The following MTMR10 variants were observed in gnomAD, a reference collection of about 807,000 sequenced individuals.
MTMR10 encodes the protein myotubularin-related protein 10.
Under a neutral mutation model 88.1 loss-of-function variants are expected in MTMR10, and 56 were observed. The ratio of observed to expected loss-of-function variants is 0.64; its 90% CI spans 0.51 to 0.79. MTMR10 has a LOEUF of 0.79. Ranked by LOEUF, MTMR10 falls within the 30% of genes least tolerant of loss-of-function variation. The pLI is 0.00. For synonymous variants in MTMR10, 380 were observed against 340.9 expected, an observed-to-expected ratio of 1.11 and a Z score of -1.26; for missense variants, 883 against 924.7, an observed-to-expected ratio of 0.95 and a Z score of 0.58.
the MTMR10 span, chr15:30,925,086 G>GT: frequency 1.3e-6 from 2 of 1,563,134 alleles, no homozygotes; most frequent in Middle Eastern, 1.7e-4. Context: ...GCCGCCATGG[G>GT]TTTTTTTAGG....
chr15:30,966,417 C>T (rs989439419), intron 6 of MTMR10, among the ~76,000 whole-genome samples: 2 of 152,186 alleles, frequency 1.3e-5, no homozygotes, highest in African/African-American at 4.8e-5. Context: ...CAAGTCACTA[C>T]ATTACTGTAG....
In MTMR10 at chr15:30,941,005, T is replaced by C; in HGVS notation, c.*465A>G. The C allele has an allele frequency of 1.7e-6, 2 of 1,160,288 alleles. No individual in the cohort carries two copies. Among genetic ancestry groups the C allele is most frequent in the South Asian group, 3.5e-5 (2 of 57,218 alleles). The allele number at this position is 1,160,288 out of a possible 1,614,324, so 71.9% of individuals were successfully genotyped here. A position where few individuals can be genotyped will look rare whatever the true frequency, so the allele number is the denominator to read the frequency against. ...GAACACTGAACCTTCATCAGGTGAG[T>C]TCAATTAGAGACGACAGAAAGTAAC... On this transcript the variant is annotated 3_prime_UTR_variant, in exon 16 of 16. Transcript: ENST00000435680.
At chr15:30,943,693 A>ACTC (rs2063122010) in intron 14 of MTMR10, 1 of 985,198 alleles carries the variant, frequency 1.0e-6, no homozygotes, top group Non-Finnish European at 1.2e-6. Context: ...TCTAGCCCGG[A>ACTC]CTCTGGGCGG....
chr15:30,991,527 C>G lies in MTMR10; in HGVS notation c.-21G>C. The G allele has an allele frequency of 1.3e-6, 2 of 1,536,132 alleles. No individual in the cohort carries two copies. The highest frequency in any genetic ancestry group is 1.7e-6 in the Non-Finnish European group (2 of 1,148,750). On this transcript the variant is annotated 5_prime_UTR_variant, in exon 1 of 16. Transcript: ENST00000435680. ...AACATGGTGCCGCCGCCTTTTCGCC[C>G]CGTTCCCGTCGCGGGCCAGTGGCAG...
the MTMR10 span, among the ~76,000 whole-genome samples, chr15:30,919,804 G>A: frequency 6.6e-6 from 1 of 152,132 alleles, no homozygotes; most frequent in Non-Finnish European, 1.5e-5. Flanking sequence ...ACAGCAAATA[G>A]GCTGAGGACG....
At position 30,940,325 on chromosome 15, in the gene MTMR10, TCTC is replaced by T. The variant is rs2062998701; in HGVS notation, c.*1142_*1144del. ...CAAGCAAACAACTGTGTCTGCTCAT[TCTC>T]CTCAACTTTGCTGTCCAAAGTTGGG... On this transcript the variant is annotated 3_prime_UTR_variant, in exon 16 of 16. Coordinates refer to ENST00000435680, the MANE Select transcript of MTMR10 (RefSeq NM_017762.3). 6 of 985,408 alleles carry T rather than the reference TCTC, an allele frequency of 6.1e-6. No individual in the cohort carries two copies. The highest frequency in any genetic ancestry group is 5.2e-5 in the African/African-American group (3 of 57,350). 61.0% of individuals were successfully genotyped at this position (985,408 alleles called of 1,614,324 possible). A position where few individuals can be genotyped will look rare whatever the true frequency, so the allele number is the denominator to read the frequency against.
intron 9 of MTMR10, among the ~76,000 whole-genome samples, chr15:30,955,587 A>C (rs1287526460): frequency 1.3e-5 from 2 of 152,028 alleles, no homozygotes; most frequent in Admixed American, 6.6e-5. Context: ...CTTATTTCTG[A>C]TGGGAGAAAA....
chr15:30,943,445 A>G (rs916381077), intron 14 of MTMR10: 1 of 985,210 alleles, frequency 1.0e-6, no homozygotes, highest in Admixed American at 6.1e-5. Context: ...CGGTCAGTAC[A>G]TTTAAGTAGT....
At chr15:30,955,838 C>G (rs1053237162) in intron 9 of MTMR10, among the ~76,000 whole-genome samples, 1 of 152,124 alleles carries the variant, frequency 6.6e-6, no homozygotes, top group African/African-American at 2.4e-5. Flanking sequence ...ACCAAAATTC[C>G]TCCCACCCTT....
rs778647491 is a variant in MTMR10 at position 30,974,984 on chromosome 15, A to T, written c.278T>A (p.Leu93His). 1 of 1,572,770 alleles carries T rather than the reference A, an allele frequency of 6.4e-7. No homozygotes were observed. Among genetic ancestry groups the T allele is most frequent in the South Asian group, 1.2e-5 (1 of 85,424 alleles). The change falls in exon 4 of 16, where the codon CTT becomes CAT. Residue 93 changes from leucine to histidine, a missense_variant. Leu to His is a moderately conservative substitution (Grantham distance 99, BLOSUM62 -3). Coordinates refer to ENST00000435680, the MANE Select transcript of MTMR10 (RefSeq NM_017762.3). ...MPLQKFHYRN[L>H]LLGEHDVPLT... ...AGGGACATCGTGTTCACCAAGAAGA[A>T]GGTTTCTGTAATGGAATTTCTGGAA...
intron 12 of MTMR10, among the ~76,000 whole-genome samples, chr15:30,950,786 T>C (rs1345422936): frequency 6.6e-6 from 1 of 152,180 alleles, no homozygotes; most frequent in East Asian, 1.9e-4. Flanking sequence ...AGGGCCTCCT[T>C]TGGATACCAA....
intron 2 of MTMR10, among the ~76,000 whole-genome samples, chr15:30,978,838 TTA>T (rs2030349535): frequency 6.6e-6 from 1 of 152,086 alleles, no homozygotes; most frequent in Admixed American, 6.6e-5. Flanking sequence ...CCAAAACTTA[TTA>T]AAGTTCAAAT....
At position 30,940,619 on chromosome 15, in the gene MTMR10, T is replaced by G. The variant is rs2063013020; in HGVS notation, c.*851A>C. 3.1e-5 allele frequency: 31 copies of G among 985,468 alleles called. No homozygotes were observed. Among genetic ancestry groups the G allele is most frequent in the Non-Finnish European group, 3.6e-5 (30 of 830,092 alleles). 61.0% of individuals were successfully genotyped at this position (985,468 alleles called of 1,614,324 possible). ...AGTTTTGGCATAGATGGCACTCTCC[T>G]GTCTACAGCATACACCTCTGTGGAA... On this transcript the variant is annotated 3_prime_UTR_variant, in exon 16 of 16. Transcript: ENST00000435680.
the MTMR10 span, among the ~76,000 whole-genome samples, chr15:30,922,979 C>A: frequency 2.0e-4 from 31 of 152,342 alleles, no homozygotes; most frequent in East Asian, 6.0e-3. Context: ...GTGGGCTAGG[C>A]AGCAACAGTG....
the MTMR10 span, chr15:30,925,246 C>T: frequency 1.2e-6 from 2 of 1,614,148 alleles, no homozygotes; most frequent in East Asian, 2.2e-5. Flanking sequence ...AGTTCAAGCA[C>T]CTCTTCCAGC....
chr15:30,939,730 C>T lies in MTMR10; in HGVS notation c.*1740G>A, dbSNP rs2062975579. 1.0e-6 allele frequency: 1 copy of T among 981,220 alleles called. No individual in the cohort carries two copies. The highest frequency in any genetic ancestry group is 1.2e-6 in the Non-Finnish European group (1 of 826,284). The allele number at this position is 981,220 out of a possible 1,614,324, so 60.8% of individuals were successfully genotyped here. ...AAAACATTTAGTAATAATAAAAAAG[C>T]AGCTAAATGAAAAAGGGAGAATTGT... On this transcript the variant is annotated 3_prime_UTR_variant, in exon 16 of 16. Transcript: ENST00000435680.
intron 5 of MTMR10, among the ~76,000 whole-genome samples, chr15:30,970,631 A>G (rs2063526640): frequency 6.6e-6 from 1 of 152,204 alleles, no homozygotes; most frequent in Non-Finnish European, 1.5e-5. Context: ...AACAATTAGA[A>G]AGCAGTTACA....
At chr15:30,986,890 C>T (rs1366899916) in intron 2 of MTMR10, among the ~76,000 whole-genome samples, 1 of 152,208 alleles carries the variant, frequency 6.6e-6, no homozygotes, top group Non-Finnish European at 1.5e-5. Flanking sequence ...ACATCCTCAC[C>T]GAACCGATCC....
rs1037277579 is a variant in MTMR10, at chr15:30,939,350, G to A, written c.*2120C>T. Reference sequence around the variant, plus strand: ...CGGGCTCTGCTGGCGGGCAGCAGGGGTGCTGAGCTCTCTCTAGTGCGCCCT... The same window carrying A: ...CGGGCTCTGCTGGCGGGCAGCAGGGATGCTGAGCTCTCTCTAGTGCGCCCT... On this transcript the variant is annotated 3_prime_UTR_variant, in exon 16 of 16. Transcript: ENST00000435680. The A allele has an allele frequency of 2.0e-6, 2 of 985,330 alleles. No homozygotes were observed. The highest frequency in any genetic ancestry group is 2.4e-6 in the Non-Finnish European group (2 of 829,962). 61.0% of individuals were successfully genotyped at this position (985,330 alleles called of 1,614,324 possible). A position where few individuals can be genotyped will look rare whatever the true frequency, so the allele number is the denominator to read the frequency against.
Sources: allele counts gnomAD v4.1 joint callset (sites outside exome capture counted in the v4.1 genomes callset), GRCh38; gene constraint gnomAD v4.1.1; transcripts MANE v1.5; gene names NCBI Gene and HGNC (gene_info 2026-07-23, HGNC 2026-07-21).